ACER3: variants seen among roughly 807,000 people sequenced by gnomAD.
ACER3 encodes alkaline ceramidase 3, also known as alkCDase 3.
A neutral mutation model predicts 48.9 loss-of-function variants in ACER3; 16 were observed. The ratio of observed to expected loss-of-function variants is 0.33; its 90% CI spans 0.22 to 0.50. ACER3 has a LOEUF of 0.50. Among genes scored for constraint, ACER3 ranks in the 20% least tolerant of loss-of-function variants. The pLI is 0.98. For missense variants in ACER3, 227 were observed against 326.0 expected, an observed-to-expected ratio of 0.70 and a Z score of 2.34; for synonymous variants, 109 against 107.8, an observed-to-expected ratio of 1.01 and a Z score of -0.07.
At chr11:77,015,331 G>T in intron 8 of ACER3, 1 of 410,112 alleles carries the variant, frequency 2.4e-6, no homozygotes, top group Non-Finnish European at 4.3e-6. Context: ...AACCTCTGTA[G>T]GGTTTGGGTT....
chr11:76,953,137 G>A (rs1053652445), intron 2 of ACER3, among the ~76,000 whole-genome samples: 3 of 152,224 alleles, frequency 2.0e-5, no homozygotes, highest in Non-Finnish European at 4.4e-5. Flanking sequence ...GCAATCAGCT[G>A]TGACTGAACT....
intron 4 of ACER3, among the ~76,000 whole-genome samples, chr11:76,985,363 C>T (rs1247392298): frequency 1.3e-5 from 2 of 152,176 alleles, no homozygotes; most frequent in East Asian, 1.9e-4. Flanking sequence ...CTGGCCACCG[C>T]GCCCAGCTAA....
rs1555024165 is a variant in ACER3 at position 77,020,300 on chromosome 11, C to G, written c.777C>G (p.Ile259Met). The G allele has an allele frequency of 6.2e-7, 1 of 1,613,778 alleles. No individual in the cohort carries two copies. Among genetic ancestry groups the G allele is most frequent in the East Asian group, 2.2e-5 (1 of 44,880 alleles). ...TTCTCTTTGGAATCTGGCCAGTGAT[C>G]CTGTTTGAGCCTCTCAGGAAGCATT... ...VKFLFGIWPV[I>M]LFEPLRKH Residue 259 changes from isoleucine to methionine, a missense_variant, in exon 11 of 11, where the codon ATC (isoleucine) becomes ATG (methionine). Physicochemically the swap from Ile to Met is conservative, Grantham distance 10 (BLOSUM62 1). Coordinates refer to ENST00000532485, the MANE Select transcript of ACER3 (RefSeq NM_018367.7).
intron 2 of ACER3, among the ~76,000 whole-genome samples, chr11:76,953,631 A>G (rs368866153): frequency 2.0e-5 from 3 of 152,052 alleles, no homozygotes; most frequent in African/African-American, 7.2e-5. Context: ...GAAAACTTCT[A>G]TTTGTATATA....
chr11:76,954,870 G>A (rs1159398535), intron 2 of ACER3, among the ~76,000 whole-genome samples: 2 of 152,006 alleles, frequency 1.3e-5, no homozygotes, highest in African/African-American at 4.8e-5. Flanking sequence ...CCAAAGTCCT[G>A]GGTTTACAGG....
intron 1 of ACER3, among the ~76,000 whole-genome samples, chr11:76,901,998 T>G (rs1946094013): frequency 6.6e-6 from 1 of 152,144 alleles, no homozygotes; most frequent in Admixed American, 6.5e-5. Context: ...CTTCCTGCCT[T>G]AAATCCTGGT....
At chr11:76,980,129 C>A (rs1948550996) in intron 4 of ACER3, among the ~76,000 whole-genome samples, 2 of 152,022 alleles carry the variant, frequency 1.3e-5, no homozygotes, top group Admixed American at 1.3e-4. Flanking sequence ...CAGAGGGAGA[C>A]CCTGTCTCAA....
intron 3 of ACER3, among the ~76,000 whole-genome samples, chr11:76,972,042 G>A (rs946756612): frequency 6.6e-6 from 1 of 152,154 alleles, no homozygotes; most frequent in Non-Finnish European, 1.5e-5. Context: ...CTGAATCGCT[G>A]TCCTGAAATA....
At chr11:76,977,132 G>A (rs1436422713) in intron 4 of ACER3, among the ~76,000 whole-genome samples, 2 of 152,220 alleles carry the variant, frequency 1.3e-5, no homozygotes, top group Admixed American at 1.3e-4. Context: ...GTAAAGCACA[G>A]AGAGATGTAG....
intron 2 of ACER3, among the ~76,000 whole-genome samples, chr11:76,958,183 CTTTT>C (rs10555039): frequency 1.6e-5 from 2 of 125,910 alleles, no homozygotes; most frequent in African/African-American, 3.0e-5. Context: ...TTATTAGCAA[CTTTT>C]TTTTTTTTTT....
chr11:76,898,903 CAAAAAAAAA>C (rs59278347), intron 1 of ACER3, among the ~76,000 whole-genome samples: 4 of 55,848 alleles, frequency 7.2e-5, no homozygotes, highest in Admixed American at 2.7e-4. Flanking sequence ...GACTCCGTCT[CAAAAAAAAA>C]AAAAAAAAAA....
rs560591182 is a variant in ACER3 at position 76,961,472 on chromosome 11, A to G, written c.267+2441A>G. On this transcript the variant is annotated intron_variant, in intron 3 of 10. Transcript: ENST00000532485. ...ATGGGGAACTTCAAAGCCAAAGAAT[A>G]TACCTAGCATCCAGATCTTGTTTTC... 2.0e-5 allele frequency among the ~76,000 whole-genome samples: 3 copies of G among 152,132 alleles called. No homozygotes were observed. The East Asian group carries it at 5.8e-4, about 29-fold the overall frequency.
chr11:76,952,420 C>T (rs145031613), intron 2 of ACER3, among the ~76,000 whole-genome samples: 16,238 of 151,168 alleles, frequency 0.11, 2,888 homozygotes, highest in African/African-American at 0.37. Flanking sequence ...CCACGACGCC[C>T]GGCTAATTTT....
intron 4 of ACER3, 50 bp from the exon 5 acceptor site, chr11:76,985,593 G>A (rs1207356128): frequency 1.7e-6 from 2 of 1,166,844 alleles, no homozygotes; most frequent in East Asian, 2.6e-5. Flanking sequence ...TTCTATTTAT[G>A]TTCCTACTTA....
chr11:76,861,208 C>A, intron 1 of ACER3, 129 bp downstream of exon 1: 6 of 878,410 alleles, frequency 6.8e-6, no homozygotes, highest in Admixed American at 2.5e-5. Flanking sequence ...AGCTGGAATG[C>A]GGCGCCCTGG....
intron 9 of ACER3, among the ~76,000 whole-genome samples, chr11:77,017,881 C>T (rs1402494304): frequency 6.7e-6 from 1 of 148,776 alleles, no homozygotes; most frequent in East Asian, 2.0e-4. Context: ...GTAATTCTGA[C>T]AATATTTCAA....
chr11:76,905,352 C>T (rs548829408), intron 1 of ACER3, among the ~76,000 whole-genome samples: 5 of 152,114 alleles, frequency 3.3e-5, no homozygotes, highest in South Asian at 2.1e-4. Flanking sequence ...TAGCATTTGT[C>T]GTTCTTTTAC....
chr11:76,983,847 A>G (rs1413946909), intron 4 of ACER3, among the ~76,000 whole-genome samples: 1 of 150,800 alleles, frequency 6.6e-6, no homozygotes, highest in African/African-American at 2.4e-5. Flanking sequence ...CTGGAGTGCA[A>G]TGGCGCAATC....
At chr11:77,010,411 A>C (rs1328026073) in intron 7 of ACER3, among the ~76,000 whole-genome samples, 1 of 146,870 alleles carries the variant, frequency 6.8e-6, no homozygotes, top group African/African-American at 2.6e-5. Flanking sequence ...ACAGTTAAAG[A>C]AGCCACTCTG....
Sources: gnomAD v4.1 joint callset for allele counts (sites outside exome capture counted in the v4.1 genomes callset) on GRCh38, gnomAD v4.1.1 for gene constraint, MANE v1.5 for transcripts, NCBI Gene and HGNC (gene_info 2026-07-23, HGNC 2026-07-21) for gene names.